RNF17: variants seen among roughly 807,000 people sequenced by gnomAD.
The protein encoded by RNF17 is ring finger protein 17.
In RNF17, 31 loss-of-function variants were observed where a neutral mutation model predicts 200.5. That is an observed-to-expected ratio of 0.15 (90% CI 0.12 to 0.21). The LOEUF (loss-of-function observed/expected upper bound fraction) is 0.21. RNF17 is among the 10% of genes least tolerant of loss of function. RNF17 has a pLI of 1.00. For synonymous variants in RNF17, 606 were observed against 637.8 expected (o/e 0.95, Z 0.75); for missense variants, 1,628 against 1,905.1 (o/e 0.85, Z 2.71).
At chr13:24,774,734 A>T in intron 2 of RNF17, 79 bp from the exon 3 acceptor site, 2 of 773,152 alleles carry the variant, frequency 2.6e-6, no homozygotes, top group Non-Finnish European at 4.3e-6. Context: ...TGAATAGCAC[A>T]CTTAAATAGT....
At chr13:24,861,875 C>G (rs980529229) in intron 27 of RNF17, among the ~76,000 whole-genome samples, 1 of 152,106 alleles carries the variant, frequency 6.6e-6, no homozygotes, top group African/African-American at 2.4e-5. Context: ...AAGATACTAC[C>G]TAAGACTGGG....
At chr13:24,881,139 C>T (rs971471980), downstream of RNF17, among the ~76,000 whole-genome samples, 3 of 151,736 alleles carry the variant, frequency 2.0e-5, no homozygotes, top group South Asian at 2.1e-4. Flanking sequence ...CAGAAATGTT[C>T]GTTCATTTAT....
intron 17 of RNF17, among the ~76,000 whole-genome samples, chr13:24,831,259 T>C (rs145077515): frequency 0.081 from 12,352 of 152,080 alleles, 571 homozygotes; most frequent in East Asian, 0.16. Context: ...GCTAACATGA[T>C]GAAACCCCAT....
At chr13:24,850,230 TATA>T in intron 22 of RNF17, 108 bp from the exon 23 acceptor site, 1 of 575,116 alleles carries the variant, frequency 1.7e-6, no homozygotes. Flanking sequence ...TTTTACTACA[TATA>T]GTTGGTTCAA....
At chr13:24,821,839 G>A (rs1283450522) in intron 15 of RNF17, among the ~76,000 whole-genome samples, 6 of 152,060 alleles carry the variant, frequency 3.9e-5, no homozygotes, top group Non-Finnish European at 8.8e-5. Flanking sequence ...GCACATGTCT[G>A]CATAATTATT....
intron 2 of RNF17, among the ~76,000 whole-genome samples, chr13:24,769,374 A>G (rs1566111612): frequency 6.6e-6 from 1 of 152,140 alleles, no homozygotes; most frequent in African/African-American, 2.4e-5. Context: ...TAACTTTTAG[A>G]GATAAGTGAC....
At chr13:24,815,431 GTGTGTGTGT>G (rs1887269637) in intron 15 of RNF17, among the ~76,000 whole-genome samples, 6 of 11,526 alleles carry the variant, frequency 5.2e-4, no homozygotes, top group African/African-American at 1.1e-3. Context: ...CTAACGGGGT[GTGTGTGTGT>G]GTGTGTGTGT....
At chr13:24,797,705 A>AGTTTGTGTGTCTGTGTGTGTGTGTGT (rs59493601) in intron 11 of RNF17, among the ~76,000 whole-genome samples, 1,323 of 119,050 alleles carry the variant, frequency 0.011, 47 homozygotes, top group East Asian at 0.027. Context: ...AGAGACAAAG[A>AGTTTGTGTGTCTGTGTGTGTGTGTGT]GTGTGTGTGT....
At chr13:24,764,085 C>A, upstream of RNF17, 1 of 981,858 alleles carries the variant, frequency 1.0e-6, no homozygotes, top group Non-Finnish European at 1.5e-6. Flanking sequence ...TGGGGGCGGG[C>A]TTTAATCTCC....
chr13:24,818,423 T>C (rs1887653788), intron 15 of RNF17, among the ~76,000 whole-genome samples: 1 of 152,190 alleles, frequency 6.6e-6, no homozygotes, highest in Non-Finnish European at 1.5e-5. Flanking sequence ...ATTCAAGTCT[T>C]CTGTTTCCTT....
chr13:24,858,974 C>A, intron 25 of RNF17, 27 bp from the exon 26 acceptor site: 3 of 1,419,488 alleles, frequency 2.1e-6, no homozygotes, highest in Non-Finnish European at 2.9e-6. Context: ...TTCCTTAATG[C>A]TTTCTATCTT....
intron 15 of RNF17, among the ~76,000 whole-genome samples, chr13:24,819,687 T>C (rs530160060): frequency 6.6e-6 from 1 of 152,372 alleles, no homozygotes; most frequent in East Asian, 1.9e-4. Flanking sequence ...AATTAATCTC[T>C]ATACTGTGTG....
At chr13:24,815,473 G>A (rs1042262263) in intron 15 of RNF17, among the ~76,000 whole-genome samples, 5 of 131,150 alleles carry the variant, frequency 3.8e-5, no homozygotes, top group East Asian at 2.1e-4. Flanking sequence ...GTGTGTGTGT[G>A]TATAATTTGG....
intron 2 of RNF17, among the ~76,000 whole-genome samples, chr13:24,768,811 C>T (rs1486746321): frequency 3.3e-5 from 5 of 151,682 alleles, no homozygotes; most frequent in Admixed American, 1.3e-4. Context: ...AACAGTTCTC[C>T]GTAAGCTTCC....
the RNF17 span, among the ~76,000 whole-genome samples, chr13:24,887,094 G>A: frequency 6.6e-6 from 1 of 152,156 alleles, no homozygotes; most frequent in African/African-American, 2.4e-5. Flanking sequence ...GTAGATACTA[G>A]GGGAGGGATG....
chr13:24,837,290 A>G (rs1890119223), intron 18 of RNF17, among the ~76,000 whole-genome samples: 1 of 152,194 alleles, frequency 6.6e-6, no homozygotes, highest in Non-Finnish European at 1.5e-5. Context: ...GGACTTCAAT[A>G]TTCCACTGAC....
chr13:24,884,508 G>A (rs770793584), downstream of RNF17: 29 of 1,598,362 alleles, frequency 1.8e-5, no homozygotes, highest in Admixed American at 3.3e-5. Flanking sequence ...TTCTCCTGAC[G>A]AAAGTATGGC....
chr13:24,764,441 T>G (rs1593190422), intron 1 of RNF17, 108 bp downstream of exon 1: 1 of 1,408,552 alleles, frequency 7.1e-7, no homozygotes, highest in Non-Finnish European at 9.4e-7. Context: ...CCAATCCTGG[T>G]GTCACCAGAA....
Position 24,809,081 on chromosome 13 carries a change from A to C in RNF17, c.2091+4652A>C, listed in dbSNP as rs1383802532. Reference sequence around the variant, plus strand: ...ATTGAGGATTTTTGCATCAATGTTCATCAAGGATATCGGTCTAAAATTCTC... The same window carrying C: ...ATTGAGGATTTTTGCATCAATGTTCCTCAAGGATATCGGTCTAAAATTCTC... On this transcript the variant is annotated intron_variant, in intron 15 of 35. Coordinates refer to ENST00000255324, the MANE Select transcript of RNF17 (RefSeq NM_031277.3). Among the ~76,000 whole-genome samples the C allele has an allele frequency of 1.1e-4, 16 of 151,806 alleles. No homozygotes were observed. The East Asian group carries it at 3.1e-3, about 29-fold the overall frequency.
Sources: gnomAD v4.1 joint callset for allele counts (sites outside exome capture counted in the v4.1 genomes callset) on GRCh38, gnomAD v4.1.1 for gene constraint, MANE v1.5 for transcripts, NCBI Gene and HGNC (gene_info 2026-07-23, HGNC 2026-07-21) for gene names.